Variants in TNS3 observed in about 807,000 individuals in gnomAD.
TNS3 encodes tensin 3.
Under a neutral mutation model 140.9 loss-of-function variants are expected in TNS3, and 45 were observed. The observed-to-expected ratio is 0.32, with a 90% CI of 0.25 to 0.41. The LOEUF is 0.41. Among genes scored for constraint, TNS3 ranks in the 10% least tolerant of loss-of-function variants. TNS3 has a pLI of 1.00. For synonymous variants in TNS3, 815 were observed against 788.4 expected (o/e 1.03, Z -0.56); for missense variants, 1,716 against 1,906.7 (o/e 0.90, Z 1.86).
At chr7:47,386,228 G>A (rs1430857650) in intron 16 of TNS3, among the ~76,000 whole-genome samples, 1 of 152,218 alleles carries the variant, frequency 6.6e-6, no homozygotes, top group East Asian at 1.9e-4. Context: ...GGGAGCAGTT[G>A]TACCCTCCAC....
At chr7:47,485,403 C>T (rs80016690) in intron 3 of TNS3, among the ~76,000 whole-genome samples, 2,573 of 152,346 alleles carry the variant, frequency 0.017, 32 homozygotes, top group Middle Eastern at 0.095. Flanking sequence ...AGAGGGCCAG[C>T]GCCAGCCACG....
intron 20 of TNS3, among the ~76,000 whole-genome samples, chr7:47,336,221 T>C (rs1788624122): frequency 6.6e-6 from 1 of 150,892 alleles, no homozygotes; most frequent in Non-Finnish European, 1.5e-5. Flanking sequence ...AGTGAATTTC[T>C]ACTGTTTGGT....
intron 3 of TNS3, among the ~76,000 whole-genome samples, chr7:47,505,793 G>A (rs1182708900): frequency 6.6e-6 from 1 of 152,232 alleles, no homozygotes; most frequent in Admixed American, 6.5e-5. Flanking sequence ...GTGTTTGTGT[G>A]CATGTGTATT....
chr7:47,475,925 G>C (rs1037463237), intron 4 of TNS3, among the ~76,000 whole-genome samples: 12 of 152,090 alleles, frequency 7.9e-5, no homozygotes, highest in African/African-American at 2.9e-4. Context: ...TCTGTCATCG[G>C]TGCCCTCACC....
chr7:47,498,123 T>G (rs1413635039), intron 3 of TNS3, among the ~76,000 whole-genome samples: 1 of 152,200 alleles, frequency 6.6e-6, no homozygotes, highest in African/African-American at 2.4e-5. Context: ...CAGGGAGAGC[T>G]TCTTTCTCAG....
chr7:47,470,757 G>T, intron 4 of TNS3: 1 of 585,834 alleles, frequency 1.7e-6, no homozygotes, highest in Non-Finnish European at 2.2e-6. Flanking sequence ...AAGGCTTTGT[G>T]CTCCCGGGTG....
intron 3 of TNS3, among the ~76,000 whole-genome samples, chr7:47,503,285 A>G (rs1798294737): frequency 6.6e-6 from 1 of 152,024 alleles, no homozygotes; most frequent in Non-Finnish European, 1.5e-5. Context: ...TGCAGGTTTC[A>G]AGGATAGGAT....
At chr7:47,534,130 T>G (rs1799516947) in intron 1 of TNS3, among the ~76,000 whole-genome samples, 1 of 151,732 alleles carries the variant, frequency 6.6e-6, no homozygotes, top group Non-Finnish European at 1.5e-5. Context: ...AAAAATTAGC[T>G]GGGCGTGGTG....
At chr7:47,451,237 C>A (rs1305036782) in intron 4 of TNS3, among the ~76,000 whole-genome samples, 1 of 152,176 alleles carries the variant, frequency 6.6e-6, no homozygotes, top group Non-Finnish European at 1.5e-5. Context: ...TGCGCTGCTC[C>A]TAGCAGCCTG....
chr7:47,533,124 T>TATATATATATATATATATATATATA (rs56661018), intron 1 of TNS3, among the ~76,000 whole-genome samples: 1 of 26,974 alleles, frequency 3.7e-5, no homozygotes, highest in Admixed American at 7.1e-4. Flanking sequence ...TATATATATA[T>TATATATATATATATATATATATATA]TTTTTTTTTT....
intron 9 of TNS3, among the ~76,000 whole-genome samples, chr7:47,425,545 G>A (rs1794602222): frequency 6.6e-6 from 1 of 152,168 alleles, no homozygotes; most frequent in Non-Finnish European, 1.5e-5. Context: ...GCATTTGCTA[G>A]GCAAGGGGCT....
chr7:47,555,070 T>TAC (rs2151988553), intron 1 of TNS3, among the ~76,000 whole-genome samples: 1 of 151,966 alleles, frequency 6.6e-6, no homozygotes, highest in South Asian at 2.1e-4. Context: ...GAAGATGCTG[T>TAC]ACATATTATT....
rs747770220 is a variant in TNS3 at position 47,360,780 on chromosome 7, C to T, written c.2281+7585G>A. 4.6e-5 allele frequency among the ~76,000 whole-genome samples: 7 copies of T among 152,176 alleles called. 1 individual carries two copies. In the East Asian group the frequency reaches 9.7e-4, roughly 21 times the overall value. On this transcript the variant is annotated intron_variant, in intron 17 of 30. Coordinates refer to ENST00000311160, the MANE Select transcript of TNS3 (RefSeq NM_022748.12). ...CTCCATCCTCCACCTCAGATGCGCA[C>T]GCTGCTGTCTTCCCCCATGCTCTGA...
Position 47,539,244 on chromosome 7 carries a change from T to G in TNS3, c.-264-10097A>C, listed in dbSNP as rs919162495. 6.2e-4 allele frequency: 256 copies of G among 411,664 alleles called. 2 individuals are homozygous for G. The highest frequency in any genetic ancestry group is 2.5e-4 in the Non-Finnish European group (51 of 202,672). 25.5% of individuals were successfully genotyped at this position (411,664 alleles called of 1,614,324 possible). On this transcript the variant is annotated intron_variant, in intron 1 of 30. Coordinates refer to ENST00000311160, the MANE Select transcript of TNS3 (RefSeq NM_022748.12). ...AGCCCACTGCCTATGCAAGCCAGAGTGGAAGGCAAATGGTTGAAGGTGGCT... is the reference window on the plus strand; with the variant it reads ...AGCCCACTGCCTATGCAAGCCAGAGGGGAAGGCAAATGGTTGAAGGTGGCT...
intron 16 of TNS3, among the ~76,000 whole-genome samples, chr7:47,387,621 C>T (rs1792151824): frequency 6.6e-6 from 1 of 152,214 alleles, no homozygotes; most frequent in South Asian, 2.1e-4. Context: ...ACTAAGTCAT[C>T]CGCAACCTTT....
At chr7:47,446,750 T>C (rs1390036473) in intron 4 of TNS3, among the ~76,000 whole-genome samples, 1 of 141,104 alleles carries the variant, frequency 7.1e-6, no homozygotes, top group Non-Finnish European at 1.5e-5. Context: ...TGCAGTGGCA[T>C]GATCACGGCT....
chr7:47,373,273 A>G (rs1791185460), intron 16 of TNS3, among the ~76,000 whole-genome samples: 1 of 152,164 alleles, frequency 6.6e-6, no homozygotes, highest in Admixed American at 6.5e-5. Context: ...CAGGCTGTTC[A>G]GTTTCCTGGT....
intron 25 of TNS3, among the ~76,000 whole-genome samples, chr7:47,293,413 TGGG>T (rs1044692440): frequency 6.6e-6 from 1 of 152,166 alleles, no homozygotes; most frequent in African/African-American, 2.4e-5. Context: ...CCTTGTGCTG[TGGG>T]ATAGGGTCAT....
rs79915269 is a variant in TNS3, at chr7:47,529,146, G to A, written c.-263C>T. On this transcript the variant is annotated splice_region_variant and 5_prime_UTR_variant, in exon 2 of 31. Coordinates refer to ENST00000311160, the MANE Select transcript of TNS3 (RefSeq NM_022748.12). ...GTGCAGACTCGAGGTTAATTCTTCCGGCTGAAAAAGTAAAGGAAGAAATTG... is the reference window on the plus strand; with the variant it reads ...GTGCAGACTCGAGGTTAATTCTTCCAGCTGAAAAAGTAAAGGAAGAAATTG... 36 of 1,262,224 alleles carry A rather than the reference G, an allele frequency of 2.9e-5. No homozygotes were observed. Among genetic ancestry groups the A allele is most frequent in the Middle Eastern group, 2.2e-4 (1 of 4,584 alleles). The allele number at this position is 1,262,224 out of a possible 1,614,324, so 78.2% of individuals were successfully genotyped here. A position where few individuals can be genotyped will look rare whatever the true frequency, so the allele number is the denominator to read the frequency against.
Sources: gnomAD v4.1 joint callset for allele counts (sites outside exome capture counted in the v4.1 genomes callset) on GRCh38, gnomAD v4.1.1 for gene constraint, MANE v1.5 for transcripts, NCBI Gene and HGNC (gene_info 2026-07-23, HGNC 2026-07-21) for gene names.